Variants in NUP160 observed in about 807,000 individuals in gnomAD.
NUP160 encodes the protein nuclear pore complex protein Nup160.
Under a neutral mutation model 196.9 loss-of-function variants are expected in NUP160, and 94 were observed. The observed-to-expected ratio is 0.48, with a 90% confidence interval of 0.40 to 0.57. The LOEUF (loss-of-function observed/expected upper bound fraction) is 0.57, where lower values mean the gene tolerates loss of function less well. Ranked by LOEUF, NUP160 falls within the 20% of genes least tolerant of loss-of-function variation. The probability of loss-of-function intolerance (pLI) is 0.00; values close to 1 mark genes in which losing one functional copy is unlikely to be tolerated. For missense variants in NUP160, 1,638 were observed against 1,748.3 expected (o/e 0.94, Z 1.13); for synonymous variants, 605 against 619.7 (o/e 0.98, Z 0.35).
chr11:47,807,021 C>T (rs1402031011), intron 19 of NUP160, 49 bp downstream of exon 19: 1 of 1,331,306 alleles, frequency 7.5e-7, no homozygotes, highest in Admixed American at 1.8e-5. Context: ...AATGAATATG[C>T]AATAAATCCC....
At chr11:47,794,220 G>A (rs922831487) in intron 27 of NUP160, among the ~76,000 whole-genome samples, 22 of 152,206 alleles carry the variant, frequency 1.4e-4, no homozygotes, top group African/African-American at 5.3e-4. Flanking sequence ...GATAGCGGGC[G>A]CGGTGGCTCA....
At chr11:47,827,280 C>T in intron 7 of NUP160, 3 of 389,332 alleles carry the variant, frequency 7.7e-6, no homozygotes, top group South Asian at 3.7e-5. Flanking sequence ...GGGAGGATCG[C>T]TTGAACCTGA....
At position 47,840,108 on chromosome 11, in the gene NUP160, C is replaced by T. The variant is rs11039424; in HGVS notation, c.526-43G>A. On this transcript the variant is annotated intron_variant, in intron 3 of 35. Transcript: ENST00000378460. ...AGAAAAATCTATTAAATCAAAATAA[C>T]CAGAATTTTGCTCAGTTCCTCTCTA... 1,999 of 1,491,628 alleles carry T rather than the reference C, an allele frequency of 1.3e-3. 26 individuals carry two copies. In the African/African-American group the frequency reaches 0.024, roughly 18 times the overall value. 92.4% of individuals were successfully genotyped at this position (1,491,628 alleles called of 1,614,324 possible).
intron 19 of NUP160, among the ~76,000 whole-genome samples, chr11:47,806,846 CACACACATAT>C (rs2097678016): frequency 9.3e-6 from 1 of 107,084 alleles, no homozygotes; most frequent in Non-Finnish European, 2.0e-5. Flanking sequence ...CACACACACA[CACACACATAT>C]ATATACCATA....
chr11:47,803,355 C>G, intron 22 of NUP160, 83 bp downstream of exon 22: 2 of 820,122 alleles, frequency 2.4e-6, no homozygotes, highest in Non-Finnish European at 4.3e-6. Context: ...TCTCCCATCC[C>G]CTAAAACCTA....
At chr11:47,833,955 T>G (rs1391533835) in intron 7 of NUP160, among the ~76,000 whole-genome samples, 1 of 152,234 alleles carries the variant, frequency 6.6e-6, no homozygotes, top group Non-Finnish European at 1.5e-5. Flanking sequence ...TTTTTCACTT[T>G]GCTTTGTATC....
chr11:47,833,791 T>TA (rs1852119492), intron 7 of NUP160, among the ~76,000 whole-genome samples: 1 of 145,176 alleles, frequency 6.9e-6, no homozygotes. Flanking sequence ...GTGGGCACTG[T>TA]GCCTCTAGCA....
chr11:47,826,167 CA>C (rs982206419), intron 7 of NUP160, among the ~76,000 whole-genome samples: 1 of 151,904 alleles, frequency 6.6e-6, no homozygotes, highest in African/African-American at 2.4e-5. Flanking sequence ...AACAAACAAA[CA>C]AAAACCCAAC....
At chr11:47,821,949 A>T in intron 8 of NUP160, 128 bp from the exon 9 acceptor site, 1 of 993,924 alleles carries the variant, frequency 1.0e-6, no homozygotes, top group Non-Finnish European at 1.5e-6. Flanking sequence ...TGAATTTGGT[A>T]AAGTCTAAAT....
In NUP160 at chr11:47,788,322, A is replaced by G. The variant is rs750944255; in HGVS notation, c.3623-17T>C. ...ATGAACTTCCTGTGAAAATGGAAAA[A>G]GATTATTTCGTGTAGCCAAGGTATA... On this transcript the variant is annotated splice_polypyrimidine_tract_variant and intron_variant, in intron 30 of 35. Coordinates refer to ENST00000378460, the Ensembl canonical transcript of NUP160. 1 of 1,613,404 alleles carries G rather than the reference A, an allele frequency of 6.2e-7. No individual in the cohort carries two copies. The highest frequency in any genetic ancestry group is 1.1e-5 in the South Asian group (1 of 91,010).
At chr11:47,815,902 T>C in intron 12 of NUP160, 44 bp downstream of exon 12, 1 of 1,467,680 alleles carries the variant, frequency 6.8e-7, no homozygotes, top group East Asian at 2.3e-5. Flanking sequence ...CTGCCCTATA[T>C]CAAGATGGAA....
At chr11:47,804,316 C>G in intron 21 of NUP160, 1 of 422,686 alleles carries the variant, frequency 2.4e-6, no homozygotes, top group South Asian at 5.9e-5. Context: ...CAGGTATTCT[C>G]TCAGCCAAGT....
At chr11:47,808,657 T>G in intron 17 of NUP160, 128 bp from the exon 18 acceptor site, 2 of 625,972 alleles carry the variant, frequency 3.2e-6, no homozygotes, top group Non-Finnish European at 4.9e-6. Flanking sequence ...AGCAACACGT[T>G]TTACATTTTA....
chr11:47,831,077 C>T (rs1253544859), intron 7 of NUP160, among the ~76,000 whole-genome samples: 16 of 151,850 alleles, frequency 1.1e-4, no homozygotes, highest in African/African-American at 3.4e-4. Flanking sequence ...GCGGGAGAAT[C>T]GCTTGAACCT....
chr11:47,807,112 G>A (rs760760225), exon 19 of NUP160: 1 of 1,611,402 alleles, frequency 6.2e-7, no homozygotes, highest in South Asian at 1.1e-5. Context: ...GTTAATTCCA[G>A]TACTGATAAG....
At chr11:47,785,101 C>CATTTTTTTTTTTTTTTTT in intron 32 of NUP160, 38 bp from the exon 33 acceptor site, 1 of 1,107,988 alleles carries the variant, frequency 9.0e-7, no homozygotes, top group Non-Finnish European at 1.3e-6. Flanking sequence ...GTTTCAGATT[C>CATTTTTTTTTTTTTTTTT]TTAATAGCTA....
chr11:47,818,118 A>G, exon 11 of NUP160: 1 of 1,607,000 alleles, frequency 6.2e-7, no homozygotes, highest in African/African-American at 1.3e-5. Context: ...CTTTGCAGAT[A>G]CATCTCCTAT....
intron 9 of NUP160, among the ~76,000 whole-genome samples, chr11:47,820,460 A>G (rs1471172634): frequency 1.3e-5 from 2 of 152,206 alleles, no homozygotes; most frequent in African/African-American, 2.4e-5. Context: ...AGCTCACTGA[A>G]GCCTGAACTC....
At chr11:47,780,681 G>A (rs997340618) in intron 34 of NUP160, among the ~76,000 whole-genome samples, 2 of 151,608 alleles carry the variant, frequency 1.3e-5, no homozygotes, top group Non-Finnish European at 2.9e-5. Flanking sequence ...GACTACAGAT[G>A]TGCACCACCA....
Sources: gnomAD v4.1 joint callset for allele counts (sites outside exome capture counted in the v4.1 genomes callset) on GRCh38, gnomAD v4.1.1 for gene constraint, MANE v1.5 for transcripts, NCBI Gene and HGNC (gene_info 2026-07-23, HGNC 2026-07-21) for gene names.